The following ABCC1 variants were observed in gnomAD, a reference collection of about 807,000 sequenced individuals.
The protein encoded by ABCC1 is multidrug resistance-associated protein 1.
A neutral mutation model predicts 172.9 loss-of-function variants in ABCC1; 83 were observed. The ratio of observed to expected loss-of-function variants is 0.48; its 90% CI spans 0.40 to 0.58. The LOEUF (loss-of-function observed/expected upper bound fraction) is 0.58. Ranked by LOEUF, ABCC1 falls within the 20% of genes least tolerant of loss-of-function variation. ABCC1 has a pLI of 0.00. For missense variants in ABCC1, 1,817 were observed against 2,002.7 expected, an observed-to-expected ratio of 0.91 and a Z score of 1.77; for synonymous variants, 937 against 825.2, an observed-to-expected ratio of 1.14 and a Z score of -2.32.
At chr16:15,952,147 C>T (rs1210787582) in intron 1 of ABCC1, among the ~76,000 whole-genome samples, 2 of 152,190 alleles carry the variant, frequency 1.3e-5, no homozygotes, top group African/African-American at 4.8e-5. Flanking sequence ...TGGCAGCCTT[C>T]TTGGGTTGTT....
At chr16:16,098,392 G>C (rs1369258280) in intron 19 of ABCC1, 1 of 206,430 alleles carries the variant, frequency 4.8e-6, no homozygotes, top group Non-Finnish European at 1.0e-5. Flanking sequence ...GCCAAGGCAG[G>C]TGTATCAGCT....
chr16:16,081,104 G>T, intron 16 of ABCC1, among the ~76,000 whole-genome samples: 1 of 152,174 alleles, frequency 6.6e-6, no homozygotes, highest in East Asian at 1.9e-4. Context: ...CTAACCTCAG[G>T]TGATCTCCCC....
chr16:16,067,016 C>T (rs184791927), intron 12 of ABCC1, among the ~76,000 whole-genome samples: 11 of 151,968 alleles, frequency 7.2e-5, no homozygotes, highest in Admixed American at 2.0e-4. Flanking sequence ...TTTAGGTGGC[C>T]GAGGCAGGCA....
At chr16:16,138,637 A>G in intron 30 of ABCC1, 79 bp downstream of exon 30, 1 of 1,238,656 alleles carries the variant, frequency 8.1e-7, no homozygotes, top group Non-Finnish European at 1.1e-6. Context: ...TCATTAATTC[A>G]TTCAACACTG....
chr16:16,125,710 A>G (rs2045401075), intron 25 of ABCC1, 100 bp from the exon 26 acceptor site: 6 of 789,688 alleles, frequency 7.6e-6, no homozygotes. Flanking sequence ...ATACTTGTTG[A>G]AAATAATTTG....
At chr16:16,112,842 C>G (rs559144530) in intron 22 of ABCC1, among the ~76,000 whole-genome samples, 14 of 152,294 alleles carry the variant, frequency 9.2e-5, no homozygotes, top group Admixed American at 9.2e-4. Flanking sequence ...CCACAGTGCT[C>G]CGAGGTCAGC....
chr16:16,061,352 A>G (rs2049903554), intron 12 of ABCC1, among the ~76,000 whole-genome samples: 1 of 152,270 alleles, frequency 6.6e-6, no homozygotes. Flanking sequence ...ATTCGCCAAC[A>G]GGTCATCCTT....
chr16:16,080,076 G>A (rs1567380815), intron 16 of ABCC1, among the ~76,000 whole-genome samples: 2 of 152,118 alleles, frequency 1.3e-5, no homozygotes, highest in South Asian at 2.1e-4. Context: ...GTCTCCCAAA[G>A]TGCTGGGATT....
At chr16:16,139,983 T>C (rs185768260) in intron 30 of ABCC1, among the ~76,000 whole-genome samples, 1 of 152,158 alleles carries the variant, frequency 6.6e-6, no homozygotes, top group Non-Finnish European at 1.5e-5. Context: ...CAGTCATAGA[T>C]AGTGCACGAA....
intron 1 of ABCC1, among the ~76,000 whole-genome samples, chr16:15,957,323 C>T (rs576530610): frequency 1.2e-3 from 174 of 147,430 alleles, no homozygotes; most frequent in Middle Eastern, 3.8e-3. Flanking sequence ...TGAACTCAGG[C>T]GATCTGCCTG....
intron 1 of ABCC1, among the ~76,000 whole-genome samples, chr16:15,984,652 G>T (rs1407625216): frequency 6.6e-6 from 1 of 151,936 alleles, no homozygotes; most frequent in African/African-American, 2.4e-5. Context: ...CACCACGTTG[G>T]CTGGGCTGGT....
intron 28 of ABCC1, among the ~76,000 whole-genome samples, chr16:16,135,849 C>T (rs2045896317): frequency 2.0e-5 from 3 of 152,108 alleles, no homozygotes; most frequent in African/African-American, 7.2e-5. Flanking sequence ...AGAAGATTCT[C>T]TTCTGTGGTT....
intron 1 of ABCC1, among the ~76,000 whole-genome samples, chr16:16,003,045 C>T (rs1472340189): frequency 6.6e-6 from 1 of 152,074 alleles, no homozygotes; most frequent in African/African-American, 2.4e-5. Flanking sequence ...AAAATAATTA[C>T]AAAGAGAGGG....
At position 16,114,804 on chromosome 16, in the gene ABCC1, G is replaced by A. The variant is rs1312320195; in HGVS notation, c.3118G>A (p.Gly1040Arg). 10 of 1,607,334 alleles carry A rather than the reference G, an allele frequency of 6.2e-6. No individual in the cohort carries two copies. Among genetic ancestry groups the A allele is most frequent in the Non-Finnish European group, 8.5e-6 (10 of 1,174,502 alleles). ...VFGYSMAVSI[G>R]GILASRCLHV... is the part of the protein sequence containing the mutation. ...TGGCTACTCCATGGCCGTGTCCATC[G>A]GGGGGATCTTGGCTTCCCGCTGTCT... Residue 1040 changes from glycine to arginine, a missense_variant, in exon 23 of 31, where the codon GGG (glycine) becomes AGG (arginine). This residue lies in a region of ABCC1 where 1,412 missense variants were observed against 1,600.3 expected (regional missense o/e 0.88). Transcript: ENST00000399410.
At position 16,090,320 on chromosome 16, in the gene ABCC1, C is replaced by T. The variant is rs138765813; in HGVS notation, c.2461-85C>T. The T allele has an allele frequency of 4.9e-3, 6,921 of 1,401,200 alleles. 33 individuals are homozygous for T. Among genetic ancestry groups the T allele is most frequent in the Non-Finnish European group, 6.1e-3 (6,434 of 1,060,848 alleles). The allele number at this position is 1,401,200 out of a possible 1,614,324, so 86.8% of individuals were successfully genotyped here. A position where few individuals can be genotyped will look rare whatever the true frequency, so the allele number is the denominator to read the frequency against. On this transcript the variant is annotated intron_variant, in intron 18 of 30. Transcript: ENST00000399410. ...TTTGCCCACCAGGTGTTCGTCGGCTCATTCCTCCTTTAGTCTTCACTCTGC... is the reference window on the plus strand; with the variant it reads ...TTTGCCCACCAGGTGTTCGTCGGCTTATTCCTCCTTTAGTCTTCACTCTGC...
chr16:16,104,224 G>T (rs182847720), intron 20 of ABCC1, among the ~76,000 whole-genome samples: 8 of 152,292 alleles, frequency 5.3e-5, no homozygotes, highest in African/African-American at 1.9e-4. Context: ...GGGTACCCCA[G>T]TAGGTGGCCA....
At chr16:15,951,020 C>G (rs1300648781) in intron 1 of ABCC1, among the ~76,000 whole-genome samples, 1 of 151,996 alleles carries the variant, frequency 6.6e-6, no homozygotes, top group East Asian at 1.9e-4. Context: ...TGGAGAGTAA[C>G]CCCAGGGGTG....
chr16:16,137,866 T>A (rs926977690), intron 29 of ABCC1, among the ~76,000 whole-genome samples: 2 of 147,140 alleles, frequency 1.4e-5, no homozygotes, highest in Non-Finnish European at 3.0e-5. Context: ...ATTTTTTTTT[T>A]ATTTTATTTT....
At chr16:16,103,770 C>T (rs2051901206) in intron 20 of ABCC1, among the ~76,000 whole-genome samples, 1 of 152,288 alleles carries the variant, frequency 6.6e-6, no homozygotes, top group Non-Finnish European at 1.5e-5. Flanking sequence ...AACAGACAAA[C>T]ACTTCGTAGA....
Sources: allele counts gnomAD v4.1 joint callset (sites outside exome capture counted in the v4.1 genomes callset), GRCh38; gene constraint gnomAD v4.1.1; regional missense constraint gnomAD v4.1.1; transcripts MANE v1.5; gene names NCBI Gene and HGNC (gene_info 2026-07-23, HGNC 2026-07-21).